SPI1: variants seen among roughly 807,000 people sequenced by gnomAD.
The protein encoded by SPI1 is transcription factor PU.1.
A neutral mutation model predicts 30.7 loss-of-function variants in SPI1; 3 were observed. The observed-to-expected ratio is 0.10, with a 90% confidence interval of 0.04 to 0.25. The LOEUF (loss-of-function observed/expected upper bound fraction) is 0.25, where lower values mean the gene tolerates loss of function less well. Ranked by LOEUF, SPI1 falls within the 10% of genes least tolerant of loss-of-function variation. The pLI is 1.00. For missense variants in SPI1, 261 were observed against 371.5 expected, an observed-to-expected ratio of 0.70 and a Z score of 2.45; for synonymous variants, 169 against 157.1, an observed-to-expected ratio of 1.08 and a Z score of -0.56.
chr11:47,378,146 T>C (rs991325762), intron 1 of SPI1, among the ~76,000 whole-genome samples, 163 bp downstream of exon 1: 4 of 152,200 alleles, frequency 2.6e-5, no homozygotes, highest in African/African-American at 9.6e-5. Context: ...AGGAAGCCAA[T>C]GGCCCCCTCG....
chr11:47,357,962 G>A (rs1390483239), intron 4 of SPI1, among the ~76,000 whole-genome samples: 1 of 149,828 alleles, frequency 6.7e-6, no homozygotes, highest in Non-Finnish European at 1.5e-5. Flanking sequence ...ACACACGCAG[G>A]TGCTTAAGCA....
At chr11:47,360,076 A>C in intron 2 of SPI1, 36 bp from the exon 3 acceptor site, 29 of 1,416,258 alleles carry the variant, frequency 2.0e-5, no homozygotes, top group Non-Finnish European at 2.5e-5. Context: ...GGGTGAGCTC[A>C]GGGTTGGGCA....
chr11:47,359,414 C>A lies in SPI1; in HGVS notation c.331-408G>T, dbSNP rs542133346. On this transcript the variant is annotated intron_variant, in intron 3 of 4. Coordinates refer to ENST00000378538, the MANE Select transcript of SPI1 (RefSeq NM_003120.3). The surrounding 1 kb of genome is among the most constrained non-coding windows in gnomAD (Gnocchi z 5.1). ...GGGATGATGAGTGAGTGGAGGGACC[C>A]TGGAGGTCAGTAGGGGTGGTAGAGG... is the stretch of plus-strand genomic sequence containing the variant. 3.2e-4 allele frequency among the ~76,000 whole-genome samples: 48 copies of A among 152,108 alleles called. No individual in the cohort carries two copies. Among genetic ancestry groups the A allele is most frequent in the African/African-American group, 1.1e-3 (46 of 41,474 alleles).
chr11:47,373,896 C>CA (rs532680313), intron 2 of SPI1, among the ~76,000 whole-genome samples: 102 of 152,346 alleles, frequency 6.7e-4, no homozygotes, highest in African/African-American at 2.1e-3. Flanking sequence ...CTCACTCCAT[C>CA]AGGCCCAGCC....
In SPI1 at chr11:47,359,187, G is replaced by T. The variant is rs980004845; in HGVS notation, c.331-181C>A. Among the ~76,000 whole-genome samples the T allele has an allele frequency of 6.6e-6, 1 of 152,174 alleles. No homozygotes were observed. The highest frequency in any genetic ancestry group is 1.5e-5 in the Non-Finnish European group (1 of 68,030). On this transcript the variant is annotated intron_variant, in intron 3 of 4. Coordinates refer to ENST00000378538, the MANE Select transcript of SPI1 (RefSeq NM_003120.3). The surrounding 1 kb of genome is among the most constrained non-coding windows in gnomAD (Gnocchi z 5.1). Reference sequence around the variant, plus strand: ...CCAGTTGAGGTGCTGCACATAGGGTGCAGGCTGTGGGGCGAGGGGTGCTGA... The same window carrying T: ...CCAGTTGAGGTGCTGCACATAGGGTTCAGGCTGTGGGGCGAGGGGTGCTGA...
chr11:47,365,759 C>T (rs1223214658), intron 2 of SPI1, among the ~76,000 whole-genome samples: 3 of 152,102 alleles, frequency 2.0e-5, no homozygotes, highest in South Asian at 2.1e-4. Flanking sequence ...TGCAGTGGCA[C>T]GATCTCGGCT....
intron 4 of SPI1, among the ~76,000 whole-genome samples, chr11:47,357,474 CAA>C (rs545261246): frequency 1.5e-3 from 231 of 152,100 alleles, no homozygotes; most frequent in Middle Eastern, 3.4e-3. Flanking sequence ...CTTGCACACT[CAA>C]ATGCTCACAC....
At chr11:47,357,985 C>A (rs189171582) in intron 4 of SPI1, among the ~76,000 whole-genome samples, 7 of 151,386 alleles carry the variant, frequency 4.6e-5, no homozygotes, top group South Asian at 2.1e-4. Flanking sequence ...TCCTCACCCC[C>A]CACACACACC....
chr11:47,364,286 G>A (rs79553034), intron 2 of SPI1, among the ~76,000 whole-genome samples: 1 of 151,914 alleles, frequency 6.6e-6, no homozygotes, highest in East Asian at 2.0e-4. Context: ...TCCTGACCTC[G>A]TGATCCACCC....
At position 47,359,961 on chromosome 11, in the gene SPI1, C is replaced by T; in HGVS notation, c.222G>A (p.Gln74=). 6 of 1,611,384 alleles carry T rather than the reference C, an allele frequency of 3.7e-6. No individual in the cohort carries two copies. The highest frequency in any genetic ancestry group is 5.1e-6 in the Non-Finnish European group (6 of 1,179,334). The change falls in exon 3 of 5, where the codon CAG becomes CAA. Residue 74 remains glutamine (Q), a synonymous_variant. Transcript: ENST00000378538. The surrounding 1 kb of genome is among the most constrained non-coding windows in gnomAD (Gnocchi z 5.1). Reference sequence around the variant, plus strand: ...GCTGCAGCTGCGGGGGCTGCACGCTCTGGAGCTCCGTGAAGTTGTTCTCGG... The same window carrying T: ...GCTGCAGCTGCGGGGGCTGCACGCTTTGGAGCTCCGTGAAGTTGTTCTCGG... ...SFAENNFTEL[Q]SVQPPQLQQL...
chr11:47,360,254 C>T (rs547641712), intron 2 of SPI1, among the ~76,000 whole-genome samples: 3 of 152,220 alleles, frequency 2.0e-5, no homozygotes, highest in South Asian at 4.1e-4. Flanking sequence ...CAAAAGCATC[C>T]GGGTCACAGC....
chr11:47,357,011 C>T (rs1224952592), intron 4 of SPI1, among the ~76,000 whole-genome samples: 1 of 151,320 alleles, frequency 6.6e-6, no homozygotes, highest in Non-Finnish European at 1.5e-5. Context: ...CACACTTCCT[C>T]ACACACCTCA....
rs199611685 is a variant in SPI1, at chr11:47,358,667, TACAC to T, written c.493+173_493+176del. On this transcript the variant is annotated intron_variant, in intron 4 of 4. Transcript: ENST00000378538. ...ATGCCCGTATGCACTACACAGCAGA[TACAC>T]ACACACAGAGACAGCCACAGACAGC... 4.8e-3 allele frequency: 3,474 copies of T among 728,248 alleles called. 83 individuals are homozygous for T. In the African/African-American group the frequency reaches 0.049, roughly 10 times the overall value. The allele number at this position is 728,248 out of a possible 1,614,324, so 45.1% of individuals were successfully genotyped here. A position where few individuals can be genotyped will look rare whatever the true frequency, so the allele number is the denominator to read the frequency against.
At chr11:47,368,048 C>T (rs908792831) in intron 2 of SPI1, among the ~76,000 whole-genome samples, 3 of 152,038 alleles carry the variant, frequency 2.0e-5, no homozygotes, top group South Asian at 2.1e-4. Flanking sequence ...CCACTGTGCC[C>T]GGCCGATGGT....
chr11:47,366,855 A>AAGAAG (rs57721282), intron 2 of SPI1, among the ~76,000 whole-genome samples: 1 of 150,250 alleles, frequency 6.7e-6, no homozygotes, highest in African/African-American at 2.4e-5. Context: ...AAGAAAAGAA[A>AAGAAG]CAGGCTCAGA....
rs1173025260 is a variant in SPI1 at position 47,367,748 on chromosome 11, A to ATTTTT, written c.143-7713_143-7709dup. Among the ~76,000 whole-genome samples the ATTTTT allele has an allele frequency of 1.7e-4, 11 of 64,782 alleles. No individual in the cohort carries two copies. In the South Asian group the frequency reaches 1.9e-3, roughly 11 times the overall value. The allele number at this position is 64,782 out of a possible 152,430, so 42.5% of individuals were successfully genotyped here. Reference sequence around the variant, plus strand: ...ACTATGGGAAATAGATGATGGTTAAATTTTTTTTTTTTTTTTTTTTTTTTT... The same window carrying ATTTTT: ...ACTATGGGAAATAGATGATGGTTAAATTTTTTTTTTTTTTTTTTTTTTTTTTTTTT... On this transcript the variant is annotated intron_variant, in intron 2 of 4. Coordinates refer to ENST00000378538, the MANE Select transcript of SPI1 (RefSeq NM_003120.3).
chr11:47,355,247 G>A lies in SPI1; in HGVS notation c.793C>T (p.Arg265Trp). 4 of 1,443,330 alleles carry A rather than the reference G, an allele frequency of 2.8e-6. No individual in the cohort carries two copies. Among genetic ancestry groups the A allele is most frequent in the Non-Finnish European group, 3.6e-6 (4 of 1,100,308 alleles). 89.4% of individuals were successfully genotyped at this position (1,443,330 alleles called of 1,614,324 possible). ...CGGGCTCAGTGGGGCGGGTGGCGCCGCTCGGCCAGGCCCCCGCGGCCCAGC... is the reference window on the plus strand; with the variant it reads ...CGGGCTCAGTGGGGCGGGTGGCGCCACTCGGCCAGGCCCCCGCGGCCCAGC... ...EVLGRGGLAE[R>W]RHPPH Residue 265 changes from arginine to tryptophan, a missense_variant, in exon 5 of 5, where the codon CGG becomes TGG. Transcript: ENST00000378538.
At position 47,359,106 on chromosome 11, in the gene SPI1, C is replaced by G. The variant is rs946920708; in HGVS notation, c.331-100G>C. On this transcript the variant is annotated intron_variant, in intron 3 of 4. Transcript: ENST00000378538. This position sits in a 1 kb window ranked among gnomAD's most constrained non-coding sequence, Gnocchi z 5.1. ...CTGGGGAGAGAAGGAGTGCAGAGGG[C>G]AGGGGACAATGGCAGGCACAGGAGA... 4.6e-5 allele frequency: 53 copies of G among 1,156,300 alleles called. No homozygotes were observed. In the Middle Eastern group the frequency reaches 8.1e-4, roughly 18 times the overall value. 71.6% of individuals were successfully genotyped at this position (1,156,300 alleles called of 1,614,324 possible).
chr11:47,359,876 G>A lies in SPI1; in HGVS notation c.307C>T (p.Pro103Ser). 6.2e-7 allele frequency: 1 copy of A among 1,607,396 alleles called. No homozygotes were observed. Among genetic ancestry groups the A allele is most frequent in the East Asian group, 2.2e-5 (1 of 44,872 alleles). ...MHVLDTPMVP[P>S]HPSLGHQVSY... ...ACCTGGTGGCCAAGACTGGGATGGG[G>A]TGGCACCATGGGGGTATCGAGGACG... The change falls in exon 3 of 5, where the codon CCC (proline) becomes TCC (serine). Residue 103 changes from proline to serine, a missense_variant. By Grantham distance (74) the Pro-to-Ser change is moderately conservative. Transcript: ENST00000378538. This position sits in a 1 kb window ranked among gnomAD's most constrained non-coding sequence, Gnocchi z 5.1.
Sources: allele counts gnomAD v4.1 joint callset (sites outside exome capture counted in the v4.1 genomes callset), GRCh38; gene constraint gnomAD v4.1.1; non-coding constraint Gnocchi (gnomAD v3.1); transcripts MANE v1.5; gene names NCBI Gene and HGNC (gene_info 2026-07-23, HGNC 2026-07-21).